ZNF891: variants seen among roughly 807,000 people sequenced by gnomAD.
The protein encoded by ZNF891 is zinc finger protein 891.
For missense variants in ZNF891, 589 were observed against 632.7 expected, an observed-to-expected ratio of 0.93 and a Z score of 0.74; for synonymous variants, 199 against 209.0, an observed-to-expected ratio of 0.95 and a Z score of 0.41.
chr12:133,105,488 C>CTTTTTTTTTTTT lies in ZNF891; in HGVS notation c.*14795_*14796insAAAAAAAAAAAA. On this transcript the variant is annotated 3_prime_UTR_variant, in exon 2 of 2. Coordinates refer to ENST00000537226, the MANE Select transcript of ZNF891 (RefSeq NM_001277291.2). ...TCAATACAGGAAAAAGAAACATTCA[C>CTTTTTTTTTTTT]TTTTTTTTTGGTATCTTTCAGTTTC... 2 of 1,519,458 alleles carry CTTTTTTTTTTTT rather than the reference C, an allele frequency of 1.3e-6. No individual in the cohort carries two copies. Among genetic ancestry groups the CTTTTTTTTTTTT allele is most frequent in the Non-Finnish European group, 1.8e-6 (2 of 1,128,844 alleles). The allele number at this position is 1,519,458 out of a possible 1,614,324, so 94.1% of individuals were successfully genotyped here.
At position 133,115,396 on chromosome 12, in the gene ZNF891, A is replaced by AAAAAAAAAAAAAAAAAAAAAG; in HGVS notation, c.*4867_*4887dup. The AAAAAAAAAAAAAAAAAAAAAG allele has an allele frequency of 7.0e-6, 1 of 142,580 alleles. No individual in the cohort carries two copies. The highest frequency in any genetic ancestry group is 6.8e-5 in the Admixed American group (1 of 14,682). The allele number at this position is 142,580 out of a possible 1,614,324, so 8.8% of individuals were successfully genotyped here. On this transcript the variant is annotated 3_prime_UTR_variant, in exon 2 of 2. Transcript: ENST00000537226. ...AAAAAGCAAAACTCCTTCTCAAAAA[A>AAAAAAAAAAAAAAAAAAAAAG]AAAAAAAAAAAAAAAAAAAAGATGT... is the stretch of plus-strand genomic sequence containing the variant.
rs1955709270 is a variant in ZNF891, at chr12:133,115,307, T to C, written c.*4977A>G. 1 of 147,802 alleles carries C rather than the reference T, an allele frequency of 6.8e-6. No individual in the cohort carries two copies. The highest frequency in any genetic ancestry group is 1.5e-5 in the Non-Finnish European group (1 of 67,548). The allele number at this position is 147,802 out of a possible 1,614,324, so 9.2% of individuals were successfully genotyped here. ...ACTTGGGAGGCTGAGGCAGGAGAAT[T>C]GCTTGAACCCAGGAGGCAGAGGTTG... is the stretch of plus-strand genomic sequence containing the variant. On this transcript the variant is annotated 3_prime_UTR_variant, in exon 2 of 2. Transcript: ENST00000537226.
chr12:133,122,349 AC>A, intron 1 of ZNF891: 1 of 441,662 alleles, frequency 2.3e-6, no homozygotes, highest in Non-Finnish European at 3.0e-6. Flanking sequence ...AATTTAATGT[AC>A]TATTTGCTAC....
In ZNF891 at chr12:133,112,660, G is replaced by A. The variant is rs1955691097; in HGVS notation, c.*7624C>T. The A allele has an allele frequency of 2.6e-5, 4 of 152,242 alleles. No homozygotes were observed. The highest frequency in any genetic ancestry group is 2.6e-4 in the Admixed American group (4 of 15,282). The allele number at this position is 152,242 out of a possible 1,614,324, so 9.4% of individuals were successfully genotyped here. On this transcript the variant is annotated 3_prime_UTR_variant, in exon 2 of 2. Transcript: ENST00000537226. ...CTAACACAATTCCCTGTTCTTATCAGAGAAACTTATTTGTATCCTTCATAT... is the reference window on the plus strand; with the variant it reads ...CTAACACAATTCCCTGTTCTTATCAAAGAAACTTATTTGTATCCTTCATAT...
At position 133,110,262 on chromosome 12, in the gene ZNF891, T is replaced by C. The variant is rs182148455; in HGVS notation, c.*10022A>G. 5.3e-5 allele frequency: 8 copies of C among 152,330 alleles called. No individual in the cohort carries two copies. The highest frequency in any genetic ancestry group is 1.9e-4 in the East Asian group (1 of 5,194). 9.4% of individuals were successfully genotyped at this position (152,330 alleles called of 1,614,324 possible). A position where few individuals can be genotyped will look rare whatever the true frequency, so the allele number is the denominator to read the frequency against. ...CGTTTAAAAGATGAGTCTAGGAATATTGCAAAAGTAGTAAAAGTATTAATT... is the reference window on the plus strand; with the variant it reads ...CGTTTAAAAGATGAGTCTAGGAATACTGCAAAAGTAGTAAAAGTATTAATT... On this transcript the variant is annotated 3_prime_UTR_variant, in exon 2 of 2. Coordinates refer to ENST00000537226, the MANE Select transcript of ZNF891 (RefSeq NM_001277291.2).
At position 133,111,561 on chromosome 12, in the gene ZNF891, C is replaced by T; in HGVS notation, c.*8723G>A. ...TAAAATAAATTCTGCATCATGAACA[C>T]CCTCAATATCACAAAGGACAAAATT... is the stretch of plus-strand genomic sequence containing the variant. On this transcript the variant is annotated 3_prime_UTR_variant, in exon 2 of 2. Transcript: ENST00000537226. 6.6e-6 allele frequency: 1 copy of T among 152,026 alleles called. No homozygotes were observed. The highest frequency in any genetic ancestry group is 1.5e-5 in the Non-Finnish European group (1 of 68,028). The allele number at this position is 152,026 out of a possible 1,614,324, so 9.4% of individuals were successfully genotyped here.
Position 133,121,478 on chromosome 12 carries a change from A to G in ZNF891, c.441T>C (p.Asn147=), listed in dbSNP as rs1955759427. 6.5e-7 allele frequency: 1 copy of G among 1,536,038 alleles called. No individual in the cohort carries two copies. Among genetic ancestry groups the G allele is most frequent in the African/African-American group, 1.4e-5 (1 of 73,050 alleles). ...AVKMIKLTMH[N]WSSTLREDWE... is the part of the protein sequence containing the mutation. Reference sequence around the variant, plus strand: ...AGTCTTCTCTTAATGTGGAGGACCAATTATGCATTGTGAGTTTTATCATTT... The same window carrying G: ...AGTCTTCTCTTAATGTGGAGGACCAGTTATGCATTGTGAGTTTTATCATTT... Residue 147 remains asparagine, a synonymous_variant, in exon 2 of 2, where the codon AAT becomes AAC. Coordinates refer to ENST00000537226, the MANE Select transcript of ZNF891 (RefSeq NM_001277291.2).
chr12:133,122,869 A>T (rs1406209456), intron 1 of ZNF891, among the ~76,000 whole-genome samples: 1 of 152,230 alleles, frequency 6.6e-6, no homozygotes, highest in Non-Finnish European at 1.5e-5. Context: ...CATGAACTGC[A>T]TTCCCAAGTT....
chr12:133,128,860 TACTGTAATAGG>T (rs1955845421), intron 1 of ZNF891, among the ~76,000 whole-genome samples: 1 of 149,722 alleles, frequency 6.7e-6, no homozygotes, highest in Admixed American at 6.6e-5. Flanking sequence ...GAGCAAAACT[TACTGTAATAGG>T]ACCCCCCTCC....
intron 1 of ZNF891, among the ~76,000 whole-genome samples, chr12:133,128,344 G>A (rs1263474847): frequency 6.6e-6 from 1 of 152,144 alleles, no homozygotes; most frequent in Non-Finnish European, 1.5e-5. Flanking sequence ...AAATCAAGAA[G>A]CAGATGGCCA....
At position 133,115,408 on chromosome 12, in the gene ZNF891, A is replaced by G. The variant is rs2137612950; in HGVS notation, c.*4876T>C. The stretch of plus-strand genomic sequence containing the variant: ...TCCTTCTCAAAAAAAAAAAAAAAAA[A>G]AAAAAAAAGATGTGGGATAAAAGGT... On this transcript the variant is annotated 3_prime_UTR_variant, in exon 2 of 2. Transcript: ENST00000537226. 6.7e-6 allele frequency: 1 copy of G among 149,434 alleles called. No homozygotes were observed. Among genetic ancestry groups the G allele is most frequent in the African/African-American group, 2.5e-5 (1 of 40,286 alleles). The allele number at this position is 149,434 out of a possible 1,614,324, so 9.3% of individuals were successfully genotyped here.
At position 133,109,089 on chromosome 12, in the gene ZNF891, T is replaced by C. The variant is rs1339178690; in HGVS notation, c.*11195A>G. 1 of 152,246 alleles carries C rather than the reference T, an allele frequency of 6.6e-6. No homozygotes were observed. The highest frequency in any genetic ancestry group is 1.5e-5 in the Non-Finnish European group (1 of 68,044). 9.4% of individuals were successfully genotyped at this position (152,246 alleles called of 1,614,324 possible). On this transcript the variant is annotated 3_prime_UTR_variant, in exon 2 of 2. Transcript: ENST00000537226. ...GGTGTAGCCCAGGGAAGCCAAAAGA[T>C]TGGACACCTCTGCTTTAGAGGGAGA... is the stretch of plus-strand genomic sequence containing the variant.
chr12:133,109,793 AGTCAGGT>A lies in ZNF891; in HGVS notation c.*10484_*10490del, dbSNP rs1170074257. On this transcript the variant is annotated 3_prime_UTR_variant, in exon 2 of 2. Transcript: ENST00000537226. ...AGGGGTAAATATGTTGATAAATACA[AGTCAGGT>A]GTTGGGAAATTATGGTCTATGGACC... The A allele has an allele frequency of 1.3e-5, 2 of 152,252 alleles. No homozygotes were observed. Among genetic ancestry groups the A allele is most frequent in the Non-Finnish European group, 2.9e-5 (2 of 68,046 alleles). 9.4% of individuals were successfully genotyped at this position (152,252 alleles called of 1,614,324 possible).
rs925644915 is a variant in ZNF891 at position 133,108,241 on chromosome 12, A to C, written c.*12043T>G. The C allele has an allele frequency of 1.4e-5, 2 of 147,988 alleles. No individual in the cohort carries two copies. Among genetic ancestry groups the C allele is most frequent in the African/African-American group, 2.6e-5 (1 of 37,776 alleles). 9.2% of individuals were successfully genotyped at this position (147,988 alleles called of 1,614,324 possible). A position where few individuals can be genotyped will look rare whatever the true frequency, so the allele number is the denominator to read the frequency against. ...CATGCCTTATTACATATGGGTATTT[A>C]ATATCTGATTTGGTGTCCTCAAGCA... On this transcript the variant is annotated 3_prime_UTR_variant, in exon 2 of 2. Coordinates refer to ENST00000537226, the MANE Select transcript of ZNF891 (RefSeq NM_001277291.2).
chr12:133,120,335 G>C lies in ZNF891; in HGVS notation c.1584C>G (p.Ser528Arg). ...TTCTCTTGTGTATAATAAGTGAAGA[G>C]CTCTGACTGAAGGCTTTTCCACATT... ...CIQCGKAFSQSSSLIIHKRIH... is the reference protein window; with the variant it reads ...CIQCGKAFSQRSSLIIHKRIH... Residue 528 changes from serine (S) to arginine (R), a missense_variant, in exon 2 of 2, where the codon AGC becomes AGG. Coordinates refer to ENST00000537226, the MANE Select transcript of ZNF891 (RefSeq NM_001277291.2). 13 of 1,568,130 alleles carry C rather than the reference G, an allele frequency of 8.3e-6. No homozygotes were observed. Among genetic ancestry groups the C allele is most frequent in the Non-Finnish European group, 1.0e-5 (12 of 1,159,656 alleles).
rs779909315 is a variant in ZNF891, at chr12:133,117,221, T to C, written c.*3063A>G. On this transcript the variant is annotated 3_prime_UTR_variant, in exon 2 of 2. Transcript: ENST00000537226. ...CATGAAACCTATAATCATATATCTA[T>C]ATTTTACTGGCCAGGAACAGTAGAA... The C allele has an allele frequency of 6.6e-6, 1 of 152,210 alleles. No individual in the cohort carries two copies. The highest frequency in any genetic ancestry group is 1.5e-5 in the Non-Finnish European group (1 of 68,046). The allele number at this position is 152,210 out of a possible 1,614,324, so 9.4% of individuals were successfully genotyped here. A position where few individuals can be genotyped will look rare whatever the true frequency, so the allele number is the denominator to read the frequency against.
rs1388622689 is a variant in ZNF891 at position 133,107,655 on chromosome 12, A to G, written c.*12629T>C. ...ATTTGTTATTCAGTGTGAAACAAAT[A>G]TAAGATACATCACAGAAAATTACCA... On this transcript the variant is annotated 3_prime_UTR_variant, in exon 2 of 2. Transcript: ENST00000537226. 2.0e-5 allele frequency: 3 copies of G among 152,112 alleles called. No homozygotes were observed. In the East Asian group the frequency reaches 5.8e-4, roughly 29 times the overall value. 9.4% of individuals were successfully genotyped at this position (152,112 alleles called of 1,614,324 possible). A position where few individuals can be genotyped will look rare whatever the true frequency, so the allele number is the denominator to read the frequency against.
chr12:133,113,374 T>C lies in ZNF891; in HGVS notation c.*6910A>G, dbSNP rs1315964068. The C allele has an allele frequency of 6.6e-6, 1 of 152,064 alleles. No homozygotes were observed. The highest frequency in any genetic ancestry group is 1.5e-5 in the Non-Finnish European group (1 of 67,976). 9.4% of individuals were successfully genotyped at this position (152,064 alleles called of 1,614,324 possible). The stretch of plus-strand genomic sequence containing the variant: ...CATAACCATTGATAAAACTTTGGTG[T>C]TATGTCTTTCCATATTTTCAATGCA... On this transcript the variant is annotated 3_prime_UTR_variant, in exon 2 of 2. Coordinates refer to ENST00000537226, the MANE Select transcript of ZNF891 (RefSeq NM_001277291.2).
Position 133,122,093 on chromosome 12 carries a change from G to GA in ZNF891, c.-106-70dup. On this transcript the variant is annotated intron_variant, in intron 1 of 1. Transcript: ENST00000537226. The stretch of plus-strand genomic sequence containing the variant: ...AACAGGGCCCCACTTGGGGAAAGGT[G>GA]AATACAAAATTGTAGACCCTCCCCA... 2.2e-6 allele frequency: 3 copies of GA among 1,387,886 alleles called. No homozygotes were observed. In the African/African-American group the frequency reaches 4.3e-5, roughly 20 times the overall value. 86.0% of individuals were successfully genotyped at this position (1,387,886 alleles called of 1,614,324 possible).
Sources: gnomAD v4.1 joint callset for allele counts (sites outside exome capture counted in the v4.1 genomes callset) on GRCh38, gnomAD v4.1.1 for gene constraint, MANE v1.5 for transcripts, NCBI Gene and HGNC (gene_info 2026-07-23, HGNC 2026-07-21) for gene names.